Variants in ADAMTS20 observed in about 807,000 individuals in gnomAD.
The protein encoded by ADAMTS20 is A disintegrin and metalloproteinase with thrombospondin motifs 20.
ADAMTS20 carries 225 observed loss-of-function variants against 260.1 expected under a neutral mutation model. That is an observed-to-expected ratio of 0.87 (90% CI 0.78 to 0.97). The LOEUF (loss-of-function observed/expected upper bound fraction) is 0.97, where lower values mean the gene tolerates loss of function less well. ADAMTS20 is among the 50% of genes least tolerant of loss of function. The pLI, the probability that ADAMTS20 is intolerant of heterozygous loss-of-function variation, is 0.00. For synonymous variants in ADAMTS20, 802 were observed against 769.5 expected (o/e 1.04, Z -0.70); for missense variants, 2,400 against 2,337.7 (o/e 1.03, Z -0.55).
intron 37 of ADAMTS20, among the ~76,000 whole-genome samples, chr12:43,368,164 A>G (rs1940028281): frequency 6.6e-6 from 1 of 152,096 alleles, no homozygotes; most frequent in Non-Finnish European, 1.5e-5. Context: ...TGTTTTACAG[A>G]CAGAAATTTT....
At position 43,429,679 on chromosome 12, in the gene ADAMTS20, C is replaced by T. The variant is rs745904616; in HGVS notation, c.3427G>A (p.Ala1143Thr). ...PCSFISKLET[A>T]LLPTVLIKKM... ...TTTATGAGAACAGTTGGTAATAAAG[C>T]GGTCTCAAGTTTAGAAATAAATGAG... The change falls in exon 24 of 39, where the codon GCT becomes ACT. Residue 1143 changes from alanine to threonine, a missense_variant. Physicochemically the swap from Ala to Thr is moderately conservative, Grantham distance 58. Transcript: ENST00000389420. The T allele has an allele frequency of 2.9e-5, 46 of 1,597,864 alleles. No individual in the cohort carries two copies. Among genetic ancestry groups the T allele is most frequent in the Non-Finnish European group, 3.5e-5 (41 of 1,171,224 alleles).
chr12:43,512,769 G>T (rs992864183), intron 3 of ADAMTS20, among the ~76,000 whole-genome samples: 1 of 152,084 alleles, frequency 6.6e-6, no homozygotes, highest in Non-Finnish European at 1.5e-5. Flanking sequence ...AGAGACATGT[G>T]ACACAGATTA....
chr12:43,492,558 A>G lies in ADAMTS20; in HGVS notation c.1023T>C (p.Asn341=). The G allele has an allele frequency of 6.2e-7, 1 of 1,613,924 alleles. No individual in the cohort carries two copies. Among genetic ancestry groups the G allele is most frequent in the Non-Finnish European group, 8.5e-7 (1 of 1,179,846 alleles). The change falls in exon 6 of 39, where the codon AAT becomes AAC. Residue 341 remains asparagine (N), a synonymous_variant. Transcript: ENST00000389420. ...GGGAAGGGTGAACATCATCAAGGTCATTCTGAGTTTGTTGCCATGAACAAA... is the reference window on the plus strand; with the variant it reads ...GGGAAGGGTGAACATCATCAAGGTCGTTCTGAGTTTGTTGCCATGAACAAA... ...KNFCSWQQTQ[N]DLDDVHPSHH...
intron 36 of ADAMTS20, among the ~76,000 whole-genome samples, chr12:43,374,671 A>T (rs1472265181): frequency 6.6e-6 from 1 of 152,196 alleles, no homozygotes; most frequent in East Asian, 1.9e-4. Context: ...AGTGTTAAAA[A>T]GGTCAAATGA....
intron 3 of ADAMTS20, among the ~76,000 whole-genome samples, chr12:43,511,885 A>G (rs987925191): frequency 1.3e-5 from 2 of 152,152 alleles, no homozygotes; most frequent in African/African-American, 4.8e-5. Flanking sequence ...CAACTTGCTG[A>G]ATGTGCAACA....
At chr12:43,426,852 C>G (rs1268028765) in intron 27 of ADAMTS20, among the ~76,000 whole-genome samples, 1 of 152,096 alleles carries the variant, frequency 6.6e-6, no homozygotes, top group Non-Finnish European at 1.5e-5. Context: ...CTAGAATATG[C>G]ATTTTTTAAA....
intron 16 of ADAMTS20, among the ~76,000 whole-genome samples, chr12:43,441,758 TG>T (rs1229994323): frequency 1.3e-5 from 2 of 152,214 alleles, no homozygotes; most frequent in African/African-American, 2.4e-5. Flanking sequence ...AGAAAACATT[TG>T]TTTGGCATTC....
rs1390037570 is a variant in ADAMTS20 at position 43,549,728 on chromosome 12, A to C, written c.453+1181T>G. On this transcript the variant is annotated intron_variant, in intron 2 of 38. Transcript: ENST00000389420. ...GTGATTCTGCCATTGTGATGTTGCAAATATTTTACATGGAAGAAAGAAAGG... is the reference window on the plus strand; with the variant it reads ...GTGATTCTGCCATTGTGATGTTGCACATATTTTACATGGAAGAAAGAAAGG... Among the ~76,000 whole-genome samples the C allele has an allele frequency of 6.6e-5, 10 of 152,278 alleles. No individual in the cohort carries two copies. The East Asian group carries it at 1.7e-3, about 26-fold the overall frequency.
chr12:43,497,685 G>A (rs919837514), intron 4 of ADAMTS20, among the ~76,000 whole-genome samples: 4 of 151,990 alleles, frequency 2.6e-5, no homozygotes, highest in African/African-American at 7.2e-5. Flanking sequence ...TCCTAATAAC[G>A]TCAGTAAAAG....
At chr12:43,379,220 T>C (rs1940295403) in intron 31 of ADAMTS20, among the ~76,000 whole-genome samples, 1 of 152,196 alleles carries the variant, frequency 6.6e-6, no homozygotes, top group Non-Finnish European at 1.5e-5. Context: ...CTAGGGACAT[T>C]TGTTGCGCTC....
Position 43,470,712 on chromosome 12 carries a change from G to A in ADAMTS20, c.1118-2007C>T, listed in dbSNP as rs79022551. Reference sequence around the variant, plus strand: ...TCTGCAACATATTTTGCAAAACATGGTCAGGGACTGAGGCAACAATAAACG... The same window carrying A: ...TCTGCAACATATTTTGCAAAACATGATCAGGGACTGAGGCAACAATAAACG... On this transcript the variant is annotated intron_variant, in intron 7 of 38. Transcript: ENST00000389420. Among the ~76,000 whole-genome samples the A allele has an allele frequency of 2.2e-3, 329 of 152,274 alleles. 8 individuals carry two copies. In the East Asian group the frequency reaches 0.043, roughly 20 times the overall value.
At chr12:43,518,597 T>C (rs570033654) in intron 3 of ADAMTS20, among the ~76,000 whole-genome samples, 9 of 152,180 alleles carry the variant, frequency 5.9e-5, no homozygotes, top group South Asian at 2.1e-4. Context: ...TTAAAAATCA[T>C]TGGTATTCTG....
intron 7 of ADAMTS20, among the ~76,000 whole-genome samples, chr12:43,485,868 G>T (rs980874669): frequency 6.6e-6 from 1 of 152,066 alleles, no homozygotes; most frequent in Non-Finnish European, 1.5e-5. Context: ...CTTAACCAAG[G>T]AGGTGGAAAA....
Position 43,376,140 on chromosome 12 carries a change from A to G in ADAMTS20, c.5229T>C (p.Cys1743=). 6.3e-7 allele frequency: 1 copy of G among 1,599,698 alleles called. No individual in the cohort carries two copies. Among genetic ancestry groups the G allele is most frequent in the Non-Finnish European group, 8.5e-7 (1 of 1,174,544 alleles). ...NIKGRIIKIY[C]ADMYLENPKE... ...TAGGGTTCTCCAAGTACATGTCTGC[A>G]CAATAAATCTAAAGAAAAAATGTAA... The change falls in exon 35 of 39, where the codon TGT becomes TGC. Residue 1743 remains cysteine (C), a synonymous_variant. Transcript: ENST00000389420.
rs1006251209 is a variant in ADAMTS20, at chr12:43,453,694, G to T, written c.1760+213C>A. Among the ~76,000 whole-genome samples the T allele has an allele frequency of 4.0e-5, 6 of 151,494 alleles. No homozygotes were observed. The South Asian group carries it at 1.0e-3, about 26-fold the overall frequency. ...AAAAAAATGAAGAAAATGGATCTCA[G>T]TTCAGATTATAAAATTTAATCTATT... On this transcript the variant is annotated intron_variant, in intron 12 of 38. Transcript: ENST00000389420.
chr12:43,536,900 C>T (rs371892740), intron 2 of ADAMTS20, among the ~76,000 whole-genome samples: 1 of 152,246 alleles, frequency 6.6e-6, no homozygotes, highest in East Asian at 1.9e-4. Flanking sequence ...TCTGTGAAGA[C>T]CCAATTCAGA....
At chr12:43,480,552 A>G (rs774978895) in intron 7 of ADAMTS20, among the ~76,000 whole-genome samples, 4 of 152,184 alleles carry the variant, frequency 2.6e-5, no homozygotes, top group African/African-American at 4.8e-5. Flanking sequence ...AGTATACAAC[A>G]TAAGTATACA....
rs574381675 is a variant in ADAMTS20, at chr12:43,380,552, T to C, written c.4798-2990A>G. 2.0e-5 allele frequency among the ~76,000 whole-genome samples: 3 copies of C among 152,170 alleles called. No individual in the cohort carries two copies. The South Asian group carries it at 6.2e-4, about 32-fold the overall frequency. On this transcript the variant is annotated intron_variant, in intron 31 of 38. Coordinates refer to ENST00000389420, the MANE Select transcript of ADAMTS20 (RefSeq NM_025003.5). ...AGAAAATCCCATTTAATCCACACACTAAATAATTAAATCCCCCAAAAAATT... is the reference window on the plus strand; with the variant it reads ...AGAAAATCCCATTTAATCCACACACCAAATAATTAAATCCCCCAAAAAATT...
At chr12:43,459,435 T>C (rs922555781) in intron 11 of ADAMTS20, among the ~76,000 whole-genome samples, 1 of 152,114 alleles carries the variant, frequency 6.6e-6, no homozygotes. Context: ...CAAGATTCCA[T>C]TCCTCGGAAT....
Sources: allele counts gnomAD v4.1 joint callset (sites outside exome capture counted in the v4.1 genomes callset), GRCh38; gene constraint gnomAD v4.1.1; transcripts MANE v1.5; gene names NCBI Gene and HGNC (gene_info 2026-07-23, HGNC 2026-07-21).